LRRC4C: variants seen among roughly 807,000 people sequenced by gnomAD.
LRRC4C encodes the protein leucine rich repeat containing 4C, also known as leucine-rich repeat-containing protein 4C.
A neutral mutation model predicts 33.6 loss-of-function variants in LRRC4C; 5 were observed. The ratio of observed to expected loss-of-function variants is 0.15; its 90% CI spans 0.08 to 0.31. The LOEUF is 0.31. Among genes scored for constraint, LRRC4C ranks in the 10% least tolerant of loss-of-function variants. LRRC4C has a pLI of 1.00. For synonymous variants in LRRC4C, 329 were observed against 302.0 expected (o/e 1.09, Z -0.93); for missense variants, 560 against 796.7 (o/e 0.70, Z 3.58).
chr11:40,340,252 C>T lies in LRRC4C; in HGVS notation c.-269-20531G>A, dbSNP rs193259491. Among the ~76,000 whole-genome samples, 340 of 152,234 alleles carry T rather than the reference C, an allele frequency of 2.2e-3. 1 individual carries two copies. The highest frequency in any genetic ancestry group is 8.0e-3 in the African/African-American group (332 of 41,562). ...CATAATGCATATGAAATTCTGATTTCTCTTTTTTTCACATGGTCAGAAACA... is the reference window on the plus strand; with the variant it reads ...CATAATGCATATGAAATTCTGATTTTTCTTTTTTTCACATGGTCAGAAACA... On this transcript the variant is annotated intron_variant, in intron 3 of 6. Transcript: ENST00000528697.
intron 2 of LRRC4C, among the ~76,000 whole-genome samples, chr11:40,754,381 A>G (rs1948839090): frequency 6.6e-6 from 1 of 152,140 alleles, no homozygotes; most frequent in Non-Finnish European, 1.5e-5. Flanking sequence ...TTTTATGTAG[A>G]CAATATACTA....
chr11:40,484,023 T>G lies in LRRC4C; in HGVS notation c.-270+164119A>C, dbSNP rs528240141. Among the ~76,000 whole-genome samples, 103 of 152,200 alleles carry G rather than the reference T, an allele frequency of 6.8e-4. No homozygotes were observed. In the Middle Eastern group the frequency reaches 0.01, roughly 15 times the overall value. On this transcript the variant is annotated intron_variant, in intron 3 of 6. Coordinates refer to ENST00000528697, the MANE Select transcript of LRRC4C (RefSeq NM_001258419.2). ...AATAAAAAACAGTACTGATATACCA[T>G]GCCACATCTATCAATTTGGCGAAAA...
intron 5 of LRRC4C, among the ~76,000 whole-genome samples, chr11:40,172,644 CAT>C (rs1860142313): frequency 6.6e-6 from 1 of 151,956 alleles, no homozygotes; most frequent in African/African-American, 2.4e-5. Context: ...CTTCAACTGA[CAT>C]ATACCTGTCT....
chr11:41,199,313 T>G (rs1306722376), intron 1 of LRRC4C, among the ~76,000 whole-genome samples: 1 of 152,102 alleles, frequency 6.6e-6, no homozygotes, highest in African/African-American at 2.4e-5. Context: ...AGAAAATGTA[T>G]AGCTCCAAGC....
chr11:40,638,737 G>A (rs1941920323), intron 3 of LRRC4C, among the ~76,000 whole-genome samples: 2 of 149,732 alleles, frequency 1.3e-5, no homozygotes, highest in Non-Finnish European at 3.0e-5. Flanking sequence ...ATCCATAGAA[G>A]GTCCATAATG....
intron 2 of LRRC4C, among the ~76,000 whole-genome samples, chr11:40,711,770 T>C (rs1946477653): frequency 6.6e-6 from 1 of 151,624 alleles, no homozygotes; most frequent in Non-Finnish European, 1.5e-5. Flanking sequence ...GAGGATGTTC[T>C]CCCCTTTGAG....
intron 1 of LRRC4C, among the ~76,000 whole-genome samples, chr11:41,228,739 C>T (rs962162354): frequency 6.6e-6 from 1 of 152,018 alleles, no homozygotes; most frequent in Non-Finnish European, 1.5e-5. Context: ...TGTAGTATGT[C>T]ATTTTATTTG....
intron 1 of LRRC4C, among the ~76,000 whole-genome samples, chr11:41,368,525 T>G (rs777765924): frequency 6.6e-6 from 1 of 152,224 alleles, no homozygotes; most frequent in Non-Finnish European, 1.5e-5. Context: ...TTCTATGAAC[T>G]GAATGAGCCC....
In LRRC4C at chr11:40,234,517, C is replaced by T. The variant is rs1021455516; in HGVS notation, c.-96+7002G>A. ...TCAGACCAGGCTCATGTCTGCAATC[C>T]CAGCATTTTGGGAGGCAAAGGTAAG... On this transcript the variant is annotated intron_variant, in intron 5 of 6. Transcript: ENST00000528697. 1.7e-4 allele frequency among the ~76,000 whole-genome samples: 26 copies of T among 152,204 alleles called. 1 individual carries two copies. The highest frequency in any genetic ancestry group is 5.8e-4 in the African/African-American group (24 of 41,528).
intron 3 of LRRC4C, among the ~76,000 whole-genome samples, chr11:40,498,581 T>C (rs910709886): frequency 6.6e-6 from 1 of 152,198 alleles, no homozygotes; most frequent in Non-Finnish European, 1.5e-5. Flanking sequence ...CCTTGGAAGA[T>C]AAAATTAGTA....
chr11:40,270,753 A>G (rs1464432945), intron 4 of LRRC4C, among the ~76,000 whole-genome samples: 1 of 152,114 alleles, frequency 6.6e-6, no homozygotes, highest in African/African-American at 2.4e-5. Flanking sequence ...TGCACAGTTC[A>G]TTGAAAGCTG....
chr11:40,727,341 A>G (rs1320537080), intron 2 of LRRC4C, among the ~76,000 whole-genome samples: 1 of 152,150 alleles, frequency 6.6e-6, no homozygotes, highest in African/African-American at 2.4e-5. Context: ...AATAAATTGT[A>G]CTAGGAAAAC....
intron 4 of LRRC4C, among the ~76,000 whole-genome samples, chr11:40,256,682 C>CT (rs1204573186): frequency 6.6e-6 from 1 of 152,138 alleles, no homozygotes; most frequent in Admixed American, 6.5e-5. Context: ...TACAATACCC[C>CT]TTTATCTTAT....
chr11:40,771,279 G>A (rs1483766463), intron 2 of LRRC4C, among the ~76,000 whole-genome samples: 2 of 152,308 alleles, frequency 1.3e-5, no homozygotes, highest in East Asian at 3.9e-4. Flanking sequence ...ACCCTGTGAA[G>A]CAATGGCCCA....
chr11:41,121,657 C>T (rs1041878990), intron 1 of LRRC4C, among the ~76,000 whole-genome samples: 2 of 152,024 alleles, frequency 1.3e-5, no homozygotes, highest in Admixed American at 6.6e-5. Context: ...TCTTCATTAA[C>T]CTGAACATTT....
intron 3 of LRRC4C, among the ~76,000 whole-genome samples, chr11:40,643,434 C>T (rs1178828116): frequency 6.6e-6 from 1 of 152,118 alleles, no homozygotes; most frequent in Non-Finnish European, 1.5e-5. Flanking sequence ...ACACAGAAGC[C>T]AGGACATTCA....
chr11:40,538,428 C>G (rs1956566564), intron 3 of LRRC4C, among the ~76,000 whole-genome samples: 1 of 152,104 alleles, frequency 6.6e-6, no homozygotes. Flanking sequence ...TGATGGTTTC[C>G]AGCTTCATCC....
intron 1 of LRRC4C, among the ~76,000 whole-genome samples, chr11:41,037,904 A>G (rs1353282157): frequency 6.6e-6 from 1 of 152,148 alleles, no homozygotes; most frequent in African/African-American, 2.4e-5. Context: ...ATTTTTACCC[A>G]CATTTATTTC....
chr11:41,350,353 A>T (rs1035094058), intron 1 of LRRC4C, among the ~76,000 whole-genome samples: 1 of 152,020 alleles, frequency 6.6e-6, no homozygotes, highest in African/African-American at 2.4e-5. Flanking sequence ...CACTAAAAAC[A>T]CAAAAAATTA....
Sources: gnomAD v4.1 joint callset for allele counts (sites outside exome capture counted in the v4.1 genomes callset) on GRCh38, gnomAD v4.1.1 for gene constraint, MANE v1.5 for transcripts, NCBI Gene and HGNC (gene_info 2026-07-23, HGNC 2026-07-21) for gene names.